HEATR1: variants seen among roughly 807,000 people sequenced by gnomAD.
HEATR1 encodes the protein HEAT repeat-containing protein 1.
Under a neutral mutation model 248.2 loss-of-function variants are expected in HEATR1, and 77 were observed. That is an observed-to-expected ratio of 0.31 (90% CI 0.26 to 0.37). The LOEUF (loss-of-function observed/expected upper bound fraction) is 0.37. HEATR1 is among the 10% of genes least tolerant of loss of function. HEATR1 has a pLI of 1.00. For synonymous variants in HEATR1, 897 were observed against 923.1 expected, an observed-to-expected ratio of 0.97 and a Z score of 0.51; for missense variants, 2,420 against 2,504.9, an observed-to-expected ratio of 0.97 and a Z score of 0.72.
In HEATR1 at chr1:236,571,641, G is replaced by T. The variant is rs752698417; in HGVS notation, c.3753C>A (p.Thr1251=). The T allele has an allele frequency of 1.9e-6, 3 of 1,613,992 alleles. No individual in the cohort carries two copies. The highest frequency in any genetic ancestry group is 1.7e-5 in the Admixed American group (1 of 60,008). ...GCAGACAACTAAGAATTAATTGTTT[G>T]GTGTATTCCATATTTCCCTGCTCTT... is the stretch of plus-strand genomic sequence containing the variant. ...LPQEQGNMEY[T]KQLILSCLLN... is the part of the protein sequence containing the mutation. Residue 1251 remains threonine, a synonymous_variant, in exon 27 of 45, where the codon ACC becomes ACA. Coordinates refer to ENST00000366582, the MANE Select transcript of HEATR1 (RefSeq NM_018072.6).
At chr1:236,562,958 A>G (rs1663171684) in intron 32 of HEATR1, among the ~76,000 whole-genome samples, 1 of 152,212 alleles carries the variant, frequency 6.6e-6, no homozygotes, top group African/African-American at 2.4e-5. Context: ...GAGACTAATT[A>G]GTTCAGCCAG....
intron 22 of HEATR1, among the ~76,000 whole-genome samples, chr1:236,575,684 T>C (rs544255717): frequency 1.3e-5 from 2 of 152,364 alleles, no homozygotes; most frequent in South Asian, 2.1e-4. Context: ...CACACAGGCA[T>C]TTCTGTAACA....
At chr1:236,571,223 G>T in intron 28 of HEATR1, 128 bp downstream of exon 28, 1 of 1,135,530 alleles carries the variant, frequency 8.8e-7, no homozygotes, top group Non-Finnish European at 1.2e-6. Context: ...GCAGGGCTGA[G>T]AGTCTCACCA....
intron 30 of HEATR1, 111 bp from the exon 31 acceptor site, chr1:236,566,156 T>C (rs1663262430): frequency 9.5e-7 from 1 of 1,054,266 alleles, no homozygotes. Context: ...CTACTTTATT[T>C]AGAGTGGGTC....
At chr1:236,558,901 G>A in intron 35 of HEATR1, 94 bp downstream of exon 35, 1 of 1,076,614 alleles carries the variant, frequency 9.3e-7, no homozygotes, top group Non-Finnish European at 1.3e-6. Context: ...ACTTCAATTT[G>A]AAATTGTACC....
intron 17 of HEATR1, among the ~76,000 whole-genome samples, chr1:236,583,730 A>G (rs976594414): frequency 6.6e-6 from 1 of 151,706 alleles, no homozygotes; most frequent in African/African-American, 2.4e-5. Context: ...CAGATGATCC[A>G]CCCGCCTCGG....
At chr1:236,598,160 A>G (rs1664225954) in intron 4 of HEATR1, among the ~76,000 whole-genome samples, 181 bp from the exon 5 acceptor site, 1 of 152,230 alleles carries the variant, frequency 6.6e-6, no homozygotes, top group Non-Finnish European at 1.5e-5. Context: ...TAGAAATTCA[A>G]AAGAGAAGGT....
At chr1:236,597,811 A>T in intron 5 of HEATR1, 67 bp downstream of exon 5, 1 of 973,892 alleles carries the variant, frequency 1.0e-6, no homozygotes, top group Non-Finnish European at 1.6e-6. Context: ...ATGTTTTAGT[A>T]TGTTTTCTTC....
At position 236,569,025 on chromosome 1, in the gene HEATR1, C is replaced by T. The variant is rs1395445012; in HGVS notation, c.4048G>A (p.Val1350Met). 6.2e-7 allele frequency: 1 copy of T among 1,606,794 alleles called. No homozygotes were observed. Among genetic ancestry groups the T allele is most frequent in the Non-Finnish European group, 8.5e-7 (1 of 1,177,440 alleles). Residue 1350 changes from valine (V) to methionine (M), a missense_variant, in exon 29 of 45, where the codon GTG becomes ATG. Transcript: ENST00000366582. Reference protein sequence around the residue: ...TYSFQVINKTVKMVIPALIQS... With the variant: ...TYSFQVINKTMKMVIPALIQS... ...ATAAGTGCGGGAATAACCATTTTCA[C>T]TGTCTTGTTAATAACTTGAAAACTG... is the stretch of plus-strand genomic sequence containing the variant.
chr1:236,551,162 G>A lies in HEATR1; in HGVS notation c.6347-172C>T, dbSNP rs376570931. ...GCCACGGACCGCCTCCCTCCACACC[G>A]CTCCTTCCGCCTTCATTCCTTGCCC... On this transcript the variant is annotated intron_variant, in intron 44 of 44. Coordinates refer to ENST00000366582, the MANE Select transcript of HEATR1 (RefSeq NM_018072.6). 4.9e-5 allele frequency: 28 copies of A among 567,148 alleles called. No homozygotes were observed. The South Asian group carries it at 5.9e-4, about 12-fold the overall frequency. The allele number at this position is 567,148 out of a possible 1,614,324, so 35.1% of individuals were successfully genotyped here.
Position 236,571,676 on chromosome 1 carries a change from G to C in HEATR1, c.3718C>G (p.Pro1240Ala), listed in dbSNP as rs1334038526. 2 of 1,609,888 alleles carry C rather than the reference G, an allele frequency of 1.2e-6. No homozygotes were observed. The highest frequency in any genetic ancestry group is 2.2e-5 in the South Asian group (2 of 90,838). Residue 1240 changes from proline (P) to alanine (A), a missense_variant, in exon 27 of 45, where the codon CCC (proline) becomes GCC (alanine). Physicochemically the swap from Pro to Ala is conservative, Grantham distance 27. Coordinates refer to ENST00000366582, the MANE Select transcript of HEATR1 (RefSeq NM_018072.6). ...ATATTTCCCTGCTCTTGTGGCAAGG[G>C]TTCTAAACATCTTCAGGACACCCAA... ...LFNLLSRCLEPLPQEQGNMEY... is the reference protein window; with the variant it reads ...LFNLLSRCLEALPQEQGNMEY...
In HEATR1 at chr1:236,549,015, A is replaced by AAGAT; in HGVS notation, c.*1883_*1886dup. On this transcript the variant is annotated 3_prime_UTR_variant, in exon 45 of 45. Coordinates refer to ENST00000366582, the MANE Select transcript of HEATR1 (RefSeq NM_018072.6). ...AAGAGGCAAGATGCATTCAATTTGA[A>AAGAT]AGATATTTATGGGCAACAAAGTAAG... The AAGAT allele has an allele frequency of 2.5e-6, 1 of 398,620 alleles. No individual in the cohort carries two copies. The highest frequency in any genetic ancestry group is 2.1e-5 in the African/African-American group (1 of 48,740). 24.7% of individuals were successfully genotyped at this position (398,620 alleles called of 1,614,324 possible).
chr1:236,561,413 T>C (rs914105102), intron 32 of HEATR1, 142 bp from the exon 33 acceptor site: 3 of 703,962 alleles, frequency 4.3e-6, no homozygotes, highest in Middle Eastern at 2.5e-4. Context: ...ATCAGGTTCA[T>C]ATCATCTTCA....
intron 10 of HEATR1, 101 bp from the exon 11 acceptor site, chr1:236,592,211 T>C (rs536215890): frequency 4.5e-6 from 3 of 671,286 alleles, no homozygotes; most frequent in African/African-American, 3.7e-5. Context: ...TAAAAATTAC[T>C]GAGACTGTGA....
chr1:236,554,357 A>C (rs1346845450), intron 42 of HEATR1, among the ~76,000 whole-genome samples: 1 of 152,184 alleles, frequency 6.6e-6, no homozygotes, highest in Non-Finnish European at 1.5e-5. Flanking sequence ...GCACCACTGC[A>C]CTCCAGCCTG....
chr1:236,554,456 TA>T, intron 42 of HEATR1, 141 bp downstream of exon 42: 3 of 721,648 alleles, frequency 4.2e-6, no homozygotes, highest in Admixed American at 3.2e-5. Flanking sequence ...AATTTTCAAA[TA>T]AAACATTTCA....
chr1:236,585,688 C>T (rs61244319), intron 16 of HEATR1, 132 bp downstream of exon 16: 13,419 of 702,528 alleles, frequency 0.019, 168 homozygotes, highest in Middle Eastern at 0.046. Context: ...AACACTGCAA[C>T]GTTTAAAGTA....
chr1:236,563,285 T>A (rs974746383), intron 32 of HEATR1, among the ~76,000 whole-genome samples: 2 of 152,118 alleles, frequency 1.3e-5, no homozygotes, highest in African/African-American at 4.8e-5. Flanking sequence ...TTTTTTATTT[T>A]TTTTATTTTT....
At position 236,595,639 on chromosome 1, in the gene HEATR1, T is replaced by C. The variant is rs372195004; in HGVS notation, c.991A>G (p.Ile331Val). The change falls in exon 8 of 45, where the codon ATT (isoleucine) becomes GTT (valine). Residue 331 changes from isoleucine to valine, a missense_variant. Coordinates refer to ENST00000366582, the MANE Select transcript of HEATR1 (RefSeq NM_018072.6). ...TCAGAAATCCCATGAAGTATTGTAA[T>C]AAGATCAGGAACATTACATAAGTGA... ...FPHLCNVPDLITILHGISETY... is the reference protein window; with the variant it reads ...FPHLCNVPDLVTILHGISETY... 17 of 1,611,728 alleles carry C rather than the reference T, an allele frequency of 1.1e-5. No individual in the cohort carries two copies. In the African/African-American group the frequency reaches 2.1e-4, roughly 20 times the overall value.
Sources: allele counts gnomAD v4.1 joint callset (sites outside exome capture counted in the v4.1 genomes callset), GRCh38; gene constraint gnomAD v4.1.1; transcripts MANE v1.5; gene names NCBI Gene and HGNC (gene_info 2026-07-23, HGNC 2026-07-21).